Variants in KCNJ6 observed in about 807,000 individuals in gnomAD.
The protein encoded by KCNJ6 is G protein-activated inward rectifier potassium channel 2.
In KCNJ6, 9 loss-of-function variants were observed where a neutral mutation model predicts 34.2. The observed-to-expected ratio is 0.26, with a 90% CI of 0.16 to 0.46. The LOEUF (loss-of-function observed/expected upper bound fraction) is 0.46, where lower values mean the gene tolerates loss of function less well. Among genes scored for constraint, KCNJ6 ranks in the 20% least tolerant of loss-of-function variants. KCNJ6 has a pLI of 1.00. For missense variants in KCNJ6, 236 were observed against 531.3 expected (o/e 0.44, Z 5.46); for synonymous variants, 196 against 207.1 (o/e 0.95, Z 0.46).
chr21:37,732,832 G>T (rs891025562), intron 2 of KCNJ6, among the ~76,000 whole-genome samples: 3 of 152,116 alleles, frequency 2.0e-5, no homozygotes, highest in African/African-American at 7.2e-5. Context: ...AGAAAAAAGG[G>T]TCCCAGGTAA....
intron 3 of KCNJ6, among the ~76,000 whole-genome samples, chr21:37,654,307 C>G (rs1021224469): frequency 1.3e-5 from 2 of 151,924 alleles, no homozygotes; most frequent in African/African-American, 4.8e-5. Context: ...GACACCCACA[C>G]ACCTCAGTAG....
intron 3 of KCNJ6, among the ~76,000 whole-genome samples, chr21:37,634,109 G>T (rs1363887487): frequency 6.6e-6 from 1 of 152,182 alleles, no homozygotes; most frequent in African/African-American, 2.4e-5. Context: ...CATAGCAGTT[G>T]TTATACTTTG....
chr21:37,779,473 C>G (rs919707604), intron 2 of KCNJ6, among the ~76,000 whole-genome samples: 1 of 152,134 alleles, frequency 6.6e-6, no homozygotes, highest in Non-Finnish European at 1.5e-5. Flanking sequence ...CCAATTATTA[C>G]CCCTAACCTG....
chr21:37,775,394 C>G (rs2055137344), intron 2 of KCNJ6, among the ~76,000 whole-genome samples: 1 of 152,182 alleles, frequency 6.6e-6, no homozygotes, highest in African/African-American at 2.4e-5. Context: ...GTTGCCATTG[C>G]TTTTGGTGTT....
intron 2 of KCNJ6, among the ~76,000 whole-genome samples, chr21:37,794,764 A>G (rs921774494): frequency 1.3e-5 from 2 of 152,096 alleles, no homozygotes; most frequent in Admixed American, 1.3e-4. Context: ...CATTAGGACA[A>G]ATACCTAATG....
At chr21:37,818,735 A>G (rs1214016522) in intron 2 of KCNJ6, among the ~76,000 whole-genome samples, 1 of 152,250 alleles carries the variant, frequency 6.6e-6, no homozygotes, top group Non-Finnish European at 1.5e-5. Flanking sequence ...CAGGAGAAAT[A>G]TTCCTAATGT....
chr21:37,911,825 C>T (rs570465460), intron 1 of KCNJ6, among the ~76,000 whole-genome samples: 1 of 152,290 alleles, frequency 6.6e-6, no homozygotes, highest in South Asian at 2.1e-4. Context: ...CCCTTGAGAA[C>T]AGCAACATTT....
At chr21:37,647,391 T>A (rs892718874) in intron 3 of KCNJ6, among the ~76,000 whole-genome samples, 2 of 152,178 alleles carry the variant, frequency 1.3e-5, no homozygotes, top group African/African-American at 4.8e-5. Context: ...GGCTTAGTTC[T>A]GGGTTAGTGT....
chr21:37,652,097 T>G (rs1377089520), intron 3 of KCNJ6, among the ~76,000 whole-genome samples: 1 of 152,014 alleles, frequency 6.6e-6, no homozygotes, highest in Non-Finnish European at 1.5e-5. Context: ...CTTGAGAAAA[T>G]GAACCAACAT....
At chr21:37,835,606 A>G (rs2055447749) in intron 2 of KCNJ6, among the ~76,000 whole-genome samples, 1 of 152,202 alleles carries the variant, frequency 6.6e-6, no homozygotes, top group Non-Finnish European at 1.5e-5. Context: ...GCCTCTGGAC[A>G]TCTCCAATTT....
intron 1 of KCNJ6, among the ~76,000 whole-genome samples, chr21:37,855,664 T>TG (rs1453450107): frequency 8.5e-5 from 13 of 152,130 alleles, no homozygotes; most frequent in African/African-American, 3.1e-4. Context: ...TGGGGGCCCC[T>TG]CTCTCCCCCG....
rs2054304728 is a variant in KCNJ6 at position 37,625,094 on chromosome 21, AGAGAAT to A, written c.*59_*64del. 2 of 1,136,274 alleles carry A rather than the reference AGAGAAT, an allele frequency of 1.8e-6. No homozygotes were observed. The highest frequency in any genetic ancestry group is 2.4e-5 in the East Asian group (1 of 42,416). The allele number at this position is 1,136,274 out of a possible 1,614,324, so 70.4% of individuals were successfully genotyped here. A position where few individuals can be genotyped will look rare whatever the true frequency, so the allele number is the denominator to read the frequency against. ...CAAAGCAAGAGAGACAGAAAAAGAA[AGAGAAT>A]GAGAGACAAGGAAAGATTGTGTTGG... On this transcript the variant is annotated 3_prime_UTR_variant, in exon 4 of 4. Transcript: ENST00000609713.
At chr21:37,756,667 G>A (rs9978323) in intron 2 of KCNJ6, among the ~76,000 whole-genome samples, 9,800 of 94,208 alleles carry the variant, frequency 0.1, 2 homozygotes, top group African/African-American at 0.13. Flanking sequence ...ATTCCAGCCT[G>A]GAGTGAGCAC....
chr21:37,912,939 A>G (rs956085196), intron 1 of KCNJ6, among the ~76,000 whole-genome samples: 26 of 152,236 alleles, frequency 1.7e-4, no homozygotes, highest in African/African-American at 6.0e-4. Context: ...CCTCATGCAC[A>G]AGTGCATCCA....
At chr21:37,808,127 A>C (rs1040367579) in intron 2 of KCNJ6, among the ~76,000 whole-genome samples, 3 of 152,248 alleles carry the variant, frequency 2.0e-5, no homozygotes, top group African/African-American at 7.2e-5. Flanking sequence ...TTATTCTATG[A>C]ATTTAATAAT....
At chr21:37,670,465 TTAA>T (rs1450734318) in intron 3 of KCNJ6, among the ~76,000 whole-genome samples, 1 of 152,178 alleles carries the variant, frequency 6.6e-6, no homozygotes. Flanking sequence ...TACTGCCATC[TTAA>T]TAATATTAAG....
chr21:37,785,692 AG>A (rs1436695651), intron 2 of KCNJ6, among the ~76,000 whole-genome samples: 2 of 152,248 alleles, frequency 1.3e-5, no homozygotes, highest in Non-Finnish European at 2.9e-5. Flanking sequence ...TCCATTGCAC[AG>A]GTGCAGAAAC....
Position 37,897,197 on chromosome 21 carries a change from G to A in KCNJ6, c.-28+18687C>T, listed in dbSNP as rs560659668. On this transcript the variant is annotated intron_variant, in intron 1 of 3. Transcript: ENST00000609713. ...GCTTCTAAGAAGGCAGCTCTAAAAAGAAGTCCCCTCTCCTATTACCTTACA... is the reference window on the plus strand; with the variant it reads ...GCTTCTAAGAAGGCAGCTCTAAAAAAAAGTCCCCTCTCCTATTACCTTACA... Among the ~76,000 whole-genome samples, 36 of 152,302 alleles carry A rather than the reference G, an allele frequency of 2.4e-4. 1 individual carries two copies. The highest frequency in any genetic ancestry group is 2.0e-3 in the Admixed American group (30 of 15,294).
At chr21:37,868,341 C>T (rs1270040134) in intron 1 of KCNJ6, among the ~76,000 whole-genome samples, 1 of 152,128 alleles carries the variant, frequency 6.6e-6, no homozygotes, top group Admixed American at 6.5e-5. Flanking sequence ...TAAAAATTCT[C>T]CAGAAAGCCT....
Sources: allele counts gnomAD v4.1 joint callset (sites outside exome capture counted in the v4.1 genomes callset), GRCh38; gene constraint gnomAD v4.1.1; transcripts MANE v1.5; gene names NCBI Gene and HGNC (gene_info 2026-07-23, HGNC 2026-07-21).